Variants in SAMD3 observed in about 807,000 individuals in gnomAD.
SAMD3 encodes sterile alpha motif domain-containing protein 3.
SAMD3 carries 63 observed loss-of-function variants against 58.5 expected under a neutral mutation model. That is an observed-to-expected ratio of 1.08 (90% confidence interval 0.88 to 1.33). SAMD3 has a LOEUF of 1.33. SAMD3 is among the 40% of genes most tolerant of loss of function. The pLI is 0.00. For missense variants in SAMD3, 604 were observed against 608.4 expected (o/e 0.99, Z 0.08); for synonymous variants, 220 against 210.3 (o/e 1.05, Z -0.40).
intron 5 of SAMD3, among the ~76,000 whole-genome samples, chr6:130,186,539 C>T (rs1298026001): frequency 1.3e-5 from 2 of 152,136 alleles, no homozygotes; most frequent in Non-Finnish European, 2.9e-5. Flanking sequence ...TCCGCTGCAG[C>T]CCAATCTATT....
Position 130,144,483 on chromosome 6 carries a change from C to T in SAMD3, c.*37G>A. 6.3e-7 allele frequency: 1 copy of T among 1,583,358 alleles called. No homozygotes were observed. Among genetic ancestry groups the T allele is most frequent in the African/African-American group, 1.4e-5 (1 of 73,664 alleles). On this transcript the variant is annotated 3_prime_UTR_variant, in exon 12 of 12. Coordinates refer to ENST00000439090, the MANE Select transcript of SAMD3 (RefSeq NM_001017373.4). The stretch of plus-strand genomic sequence containing the variant: ...CAATTTCTTATGAAGCTTCAGTTTT[C>T]CCAGAGGTAAATTCCAGTACAATAT...
At chr6:130,155,852 A>G (rs1023321020) in intron 8 of SAMD3, among the ~76,000 whole-genome samples, 5 of 152,192 alleles carry the variant, frequency 3.3e-5, no homozygotes, top group Admixed American at 6.5e-5. Flanking sequence ...CAAGACCTAA[A>G]CCAAGTGAAG....
At chr6:130,320,435 T>C (rs1175469147) in intron 1 of SAMD3, among the ~76,000 whole-genome samples, 2 of 152,118 alleles carry the variant, frequency 1.3e-5, no homozygotes, top group Non-Finnish European at 2.9e-5. Flanking sequence ...TTCTCACACA[T>C]TGAATGGTGG....
chr6:130,236,896 A>G (rs990949246), intron 2 of SAMD3, among the ~76,000 whole-genome samples: 2 of 152,152 alleles, frequency 1.3e-5, no homozygotes, highest in African/African-American at 4.8e-5. Context: ...CCTTGTATCA[A>G]CTTCATATGG....
chr6:130,151,483 C>T, intron 9 of SAMD3, among the ~76,000 whole-genome samples: 1 of 152,008 alleles, frequency 6.6e-6, no homozygotes, highest in East Asian at 1.9e-4. Flanking sequence ...CTCTTGTTGC[C>T]CAGACTGGAG....
chr6:130,213,325 T>TAAAA (rs1263542008), intron 4 of SAMD3, among the ~76,000 whole-genome samples: 206 of 150,572 alleles, frequency 1.4e-3, no homozygotes, highest in African/African-American at 4.4e-3. Flanking sequence ...TTTTTTTTTT[T>TAAAA]AAAAAAAATC....
At chr6:130,177,139 T>G (rs78642263) in intron 7 of SAMD3, among the ~76,000 whole-genome samples, 14,432 of 152,172 alleles carry the variant, frequency 0.095, 1,097 homozygotes, top group African/African-American at 0.21. Context: ...TGAGCACCAC[T>G]CTCAGCATCT....
At chr6:130,177,801 C>G (rs78295636) in intron 7 of SAMD3, among the ~76,000 whole-genome samples, 6,001 of 152,154 alleles carry the variant, frequency 0.039, 402 homozygotes, top group African/African-American at 0.14. Context: ...CCTGCTTTGC[C>G]CACCAAGCCC....
intron 1 of SAMD3, among the ~76,000 whole-genome samples, chr6:130,349,798 T>C (rs1777595513): frequency 6.6e-6 from 1 of 152,218 alleles, no homozygotes. Context: ...ATATCCTTGA[T>C]GAACATCGAT....
At chr6:130,302,763 T>C (rs1775795726) in intron 2 of SAMD3, among the ~76,000 whole-genome samples, 1 of 152,062 alleles carries the variant, frequency 6.6e-6, no homozygotes, top group African/African-American at 2.4e-5. Flanking sequence ...AAGAATGAAA[T>C]AATATTTTTT....
chr6:130,160,470 G>C (rs530931706), intron 8 of SAMD3: 3 of 152,200 alleles, frequency 2.0e-5, no homozygotes, highest in South Asian at 4.1e-4. Context: ...GAAAATTCGT[G>C]GAAGATGAGG....
intron 2 of SAMD3, among the ~76,000 whole-genome samples, chr6:130,273,306 T>C (rs759758480): frequency 1.3e-5 from 2 of 152,270 alleles, no homozygotes; most frequent in Non-Finnish European, 2.9e-5. Context: ...GACAGAAGTA[T>C]AGTCACCTCT....
chr6:130,262,885 T>G (rs867454305), intron 2 of SAMD3, among the ~76,000 whole-genome samples: 3 of 152,108 alleles, frequency 2.0e-5, no homozygotes, highest in South Asian at 4.1e-4. Flanking sequence ...TATCATCCAG[T>G]TTTTCTGTAA....
intron 4 of SAMD3, among the ~76,000 whole-genome samples, 177 bp downstream of exon 4, chr6:130,214,160 G>A (rs752877746): frequency 3.3e-5 from 5 of 152,006 alleles, no homozygotes; most frequent in South Asian, 2.1e-4. Flanking sequence ...GAATAAAAAC[G>A]TTTCTTGATT....
At chr6:130,174,460 C>A (rs1359804938) in intron 8 of SAMD3, among the ~76,000 whole-genome samples, 1 of 152,136 alleles carries the variant, frequency 6.6e-6, no homozygotes, top group African/African-American at 2.4e-5. Flanking sequence ...AATGCCTCAC[C>A]CAGCTTCTGT....
intron 2 of SAMD3, among the ~76,000 whole-genome samples, chr6:130,299,137 AC>A (rs1241859743): frequency 6.6e-6 from 1 of 152,146 alleles, no homozygotes; most frequent in Non-Finnish European, 1.5e-5. Flanking sequence ...AGAATATTCC[AC>A]CCCACAATCA....
chr6:130,279,376 C>T (rs1037587530), intron 2 of SAMD3, among the ~76,000 whole-genome samples: 2 of 152,086 alleles, frequency 1.3e-5, no homozygotes, highest in African/African-American at 2.4e-5. Context: ...CTGGCATTTC[C>T]CCTGCTGGCA....
intron 2 of SAMD3, chr6:130,215,674 G>A (rs950083567): frequency 1.4e-5 from 20 of 1,420,886 alleles, no homozygotes; most frequent in Non-Finnish European, 1.7e-5. Context: ...CCACTACCAG[G>A]CTCCTCAGGA....
chr6:130,339,896 CTCCAT>C (rs1777218555), intron 1 of SAMD3, among the ~76,000 whole-genome samples: 1 of 55,238 alleles, frequency 1.8e-5, no homozygotes, highest in African/African-American at 1.4e-4. Context: ...TTTGAATATT[CTCCAT>C]TCATTTCCAA....
Sources: gnomAD v4.1 joint callset for allele counts (sites outside exome capture counted in the v4.1 genomes callset) on GRCh38, gnomAD v4.1.1 for gene constraint, MANE v1.5 for transcripts, NCBI Gene and HGNC (gene_info 2026-07-23, HGNC 2026-07-21) for gene names.